The following CTNNA3 variants were observed in gnomAD, a reference collection of about 807,000 sequenced individuals.
The protein encoded by CTNNA3 is catenin alpha-3.
CTNNA3 carries 76 observed loss-of-function variants against 95.7 expected under a neutral mutation model. That is an observed-to-expected ratio of 0.79 (90% CI 0.66 to 0.96). The LOEUF (loss-of-function observed/expected upper bound fraction) is 0.96. Ranked by LOEUF, CTNNA3 falls within the 40% of genes least tolerant of loss-of-function variation. The pLI is 0.00. For missense variants in CTNNA3, 1,191 were observed against 1,089.8 expected (o/e 1.09, Z -1.31); for synonymous variants, 431 against 374.4 (o/e 1.15, Z -1.74).
chr10:67,039,608 T>C (rs139054580), intron 7 of CTNNA3, among the ~76,000 whole-genome samples: 11 of 152,112 alleles, frequency 7.2e-5, no homozygotes, highest in Admixed American at 2.0e-4. Flanking sequence ...AGAGAACTAA[T>C]ATCTAGAGGT....
chr10:66,114,587 T>A (rs1043182619), intron 13 of CTNNA3, among the ~76,000 whole-genome samples: 29 of 151,390 alleles, frequency 1.9e-4, no homozygotes, highest in African/African-American at 5.8e-4. Flanking sequence ...AAATGAAAAA[T>A]ATATATATAT....
intron 11 of CTNNA3, among the ~76,000 whole-genome samples, chr10:66,482,660 T>C (rs1839579617): frequency 1.3e-5 from 2 of 152,318 alleles, no homozygotes; most frequent in South Asian, 4.1e-4. Context: ...ATGTGTGTTC[T>C]TGTCTGAACA....
intron 15 of CTNNA3, among the ~76,000 whole-genome samples, chr10:66,029,017 T>A (rs1187222945): frequency 6.6e-6 from 1 of 152,024 alleles, no homozygotes; most frequent in Non-Finnish European, 1.5e-5. Context: ...GAAAAAAAGC[T>A]AAGAGACATA....
chr10:65,960,164 A>G (rs1307027922), intron 17 of CTNNA3, among the ~76,000 whole-genome samples: 1 of 152,192 alleles, frequency 6.6e-6, no homozygotes, highest in Non-Finnish European at 1.5e-5. Flanking sequence ...GAAATTCTTC[A>G]ACCTTTCATT....
chr10:67,398,862 TGAA>T (rs1471615665), intron 5 of CTNNA3, among the ~76,000 whole-genome samples: 2 of 152,268 alleles, frequency 1.3e-5, no homozygotes, highest in African/African-American at 4.8e-5. Context: ...TGTCTCCACG[TGAA>T]GAAGGACATG....
At chr10:66,252,522 C>T (rs1038062018) in intron 13 of CTNNA3, among the ~76,000 whole-genome samples, 6 of 152,136 alleles carry the variant, frequency 3.9e-5, no homozygotes, top group Non-Finnish European at 8.8e-5. Context: ...TTCCTTTGGA[C>T]CTTAAATTCT....
intron 1 of CTNNA3, chr10:67,751,043 C>A: frequency 6.6e-7 from 1 of 1,516,252 alleles, no homozygotes; most frequent in South Asian, 1.1e-5. Flanking sequence ...ATTTCCATAT[C>A]CAGAGGAATG....
At chr10:66,023,398 CAGAGAG>C (rs66644133) in intron 15 of CTNNA3, among the ~76,000 whole-genome samples, 1 of 151,548 alleles carries the variant, frequency 6.6e-6, no homozygotes, top group Admixed American at 6.6e-5. Context: ...AAGTGGCAAA[CAGAGAG>C]AGGGAGAGAG....
rs116317015 is a variant in CTNNA3 at position 67,614,736 on chromosome 10, C to A, written c.100-7687G>T. ...AGTTGGGGTACTCAACTGGTACTGG[C>A]ACTGGAGGCCTAGGGGTTGGGGACC... On this transcript the variant is annotated intron_variant, in intron 2 of 17. Coordinates refer to ENST00000433211, the MANE Select transcript of CTNNA3 (RefSeq NM_013266.4). Among the ~76,000 whole-genome samples, 461 of 152,236 alleles carry A rather than the reference C, an allele frequency of 3.0e-3. 3 individuals are homozygous for A. The highest frequency in any genetic ancestry group is 0.011 in the African/African-American group (438 of 41,552).
At chr10:67,676,732 C>T (rs1008878025) in intron 1 of CTNNA3, among the ~76,000 whole-genome samples, 4 of 152,202 alleles carry the variant, frequency 2.6e-5, no homozygotes, top group African/African-American at 9.6e-5. Flanking sequence ...CTAGCTGTTG[C>T]TGTGGATCCA....
intron 2 of CTNNA3, among the ~76,000 whole-genome samples, chr10:67,613,374 A>T (rs1168012860): frequency 7.1e-6 from 1 of 140,852 alleles, no homozygotes; most frequent in Admixed American, 6.9e-5. Context: ...TTACTGGATG[A>T]AAAAAAAAAA....
At chr10:66,380,059 A>T (rs2092825062) in intron 11 of CTNNA3, among the ~76,000 whole-genome samples, 1 of 152,202 alleles carries the variant, frequency 6.6e-6, no homozygotes, top group South Asian at 2.1e-4. Flanking sequence ...ATGAATCCCC[A>T]CTTAATATCT....
intron 15 of CTNNA3, among the ~76,000 whole-genome samples, chr10:66,027,739 C>A (rs1470935466): frequency 6.6e-6 from 1 of 152,086 alleles, no homozygotes; most frequent in African/African-American, 2.4e-5. Context: ...CTAGTCATAG[C>A]AAAAATGAGG....
At chr10:66,260,693 T>C (rs2090965231) in intron 13 of CTNNA3, among the ~76,000 whole-genome samples, 1 of 152,184 alleles carries the variant, frequency 6.6e-6, no homozygotes, top group African/African-American at 2.4e-5. Flanking sequence ...AGGAAGTTTC[T>C]ACTTACAGAA....
intron 10 of CTNNA3, among the ~76,000 whole-genome samples, chr10:66,546,099 G>GCTAAAACATGATAAACA (rs1842027428): frequency 1.3e-5 from 2 of 151,750 alleles, no homozygotes. Flanking sequence ...TAGTTTTCAT[G>GCTAAAACATGATAAACA]CAGTATAATT....
intron 14 of CTNNA3, among the ~76,000 whole-genome samples, chr10:66,075,437 A>G (rs937130510): frequency 1.3e-5 from 2 of 151,820 alleles, no homozygotes; most frequent in African/African-American, 4.8e-5. Flanking sequence ...TGTGAGAATT[A>G]GTTATGACTA....
chr10:66,170,692 T>C (rs896915617), intron 13 of CTNNA3, among the ~76,000 whole-genome samples: 10 of 144,780 alleles, frequency 6.9e-5, no homozygotes, highest in South Asian at 2.1e-4. Flanking sequence ...GTTATATAGA[T>C]CAGAGAAGAT....
chr10:67,119,500 C>T (rs1859358067), intron 7 of CTNNA3, among the ~76,000 whole-genome samples: 1 of 151,882 alleles, frequency 6.6e-6, no homozygotes, highest in Admixed American at 6.6e-5. Flanking sequence ...TCTGTTAGAA[C>T]CTCAAACATA....
chr10:67,280,497 T>C (rs1181697759), intron 5 of CTNNA3, among the ~76,000 whole-genome samples: 1 of 151,950 alleles, frequency 6.6e-6, no homozygotes, highest in African/African-American at 2.4e-5. Flanking sequence ...CAGAGTTCAT[T>C]GGGCAAAAAG....
Sources: gnomAD v4.1 joint callset for allele counts (sites outside exome capture counted in the v4.1 genomes callset) on GRCh38, gnomAD v4.1.1 for gene constraint, MANE v1.5 for transcripts, NCBI Gene and HGNC (gene_info 2026-07-23, HGNC 2026-07-21) for gene names.